Variants in LHCGR observed in about 807,000 individuals in gnomAD.
LHCGR encodes the protein lutropin-choriogonadotropic hormone receptor.
A neutral mutation model predicts 60.7 loss-of-function variants in LHCGR; 55 were observed. That is an observed-to-expected ratio of 0.91 (90% CI 0.73 to 1.13). LHCGR has a LOEUF of 1.13. Ranked by LOEUF, LHCGR falls within the 50% of genes most tolerant of loss-of-function variation. The pLI is 0.00. For synonymous variants in LHCGR, 337 were observed against 316.5 expected (o/e 1.06, Z -0.69); for missense variants, 862 against 836.0 (o/e 1.03, Z -0.38).
intron 10 of LHCGR, among the ~76,000 whole-genome samples, chr2:48,689,585 G>T (rs1179896107): frequency 6.6e-6 from 1 of 152,202 alleles, no homozygotes; most frequent in Non-Finnish European, 1.5e-5. Context: ...TGAAAACATT[G>T]CTCTTTAGGG....
intron 8 of LHCGR, among the ~76,000 whole-genome samples, chr2:48,704,115 C>T (rs902218772): frequency 5.9e-5 from 9 of 152,080 alleles, no homozygotes; most frequent in African/African-American, 9.7e-5. Context: ...TGAATTTTGT[C>T]GAAGGCCTTT....
chr2:48,712,467 C>A (rs1371628367), intron 7 of LHCGR, among the ~76,000 whole-genome samples: 1 of 152,028 alleles, frequency 6.6e-6, no homozygotes, highest in African/African-American at 2.4e-5. Flanking sequence ...TGTCAGAAAT[C>A]GATTTAATTG....
intron 8 of LHCGR, among the ~76,000 whole-genome samples, chr2:48,704,276 C>T (rs1196278855): frequency 6.6e-6 from 1 of 152,186 alleles, no homozygotes; most frequent in African/African-American, 2.4e-5. Flanking sequence ...TCATGTGCTG[C>T]TGGATTTGGT....
At chr2:48,723,578 G>A (rs1054720994) in intron 5 of LHCGR, 44 bp downstream of exon 5, 1 of 1,603,544 alleles carries the variant, frequency 6.2e-7, no homozygotes, top group Non-Finnish European at 8.5e-7. Flanking sequence ...AATTTTAGCT[G>A]CAAATAGGAA....
At chr2:48,694,402 C>T in intron 9 of LHCGR, 98 bp from the exon 10 acceptor site, 4 of 741,686 alleles carry the variant, frequency 5.4e-6, no homozygotes, top group Non-Finnish European at 9.6e-6. Flanking sequence ...AAATTCTTTA[C>T]CTATTACACC....
intron 1 of LHCGR, among the ~76,000 whole-genome samples, chr2:48,746,848 A>C (rs1669729393): frequency 6.6e-6 from 1 of 152,192 alleles, no homozygotes; most frequent in Non-Finnish European, 1.5e-5. Flanking sequence ...TGGTAAATAA[A>C]ACTACATGTT....
chr2:48,688,493 G>A lies in LHCGR; in HGVS notation c.1304C>T (p.Thr435Ile). Reference protein sequence around the residue: ...QYYNHAIDWQTGSGCSTAGFF... With the variant: ...QYYNHAIDWQIGSGCSTAGFF... ...GCCAGCAGTGCTGCACCCACTCCCTGTCTGCCAGTCTATGGCATGGTTATA... is the reference window on the plus strand; with the variant it reads ...GCCAGCAGTGCTGCACCCACTCCCTATCTGCCAGTCTATGGCATGGTTATA... The change falls in exon 11 of 11, where the codon ACA (threonine) becomes ATA (isoleucine). Residue 435 changes from threonine to isoleucine, a missense_variant. Coordinates refer to ENST00000294954, the MANE Select transcript of LHCGR (RefSeq NM_000233.4). This position sits in a 1 kb window ranked among gnomAD's most constrained non-coding sequence, Gnocchi z 5.2. 6.2e-7 allele frequency: 1 copy of A among 1,614,146 alleles called. No homozygotes were observed. The highest frequency in any genetic ancestry group is 8.5e-7 in the Non-Finnish European group (1 of 1,180,026).
chr2:48,699,480 A>C (rs548003140), intron 8 of LHCGR, among the ~76,000 whole-genome samples: 4 of 152,230 alleles, frequency 2.6e-5, no homozygotes, highest in East Asian at 1.9e-4. Context: ...GACAGCCAGC[A>C]CATGCAGTTA....
chr2:48,710,702 C>T (rs988832973), intron 7 of LHCGR, among the ~76,000 whole-genome samples: 1 of 152,208 alleles, frequency 6.6e-6, no homozygotes, highest in Non-Finnish European at 1.5e-5. Context: ...CTCCTAGACC[C>T]CTCAGGTGCC....
chr2:48,723,641 A>G lies in LHCGR; in HGVS notation c.439T>C (p.Ser147Pro). ...KFPDVTKVFS[S>P]ESNFILEICD... ...ACTTACAGAATGAAATTTGATTCAG[A>G]GGAGAAGACCTTCGTAACATCTGGA... Residue 147 changes from serine (S) to proline (P), a missense_variant, in exon 5 of 11, where the codon TCT (serine) becomes CCT (proline). Coordinates refer to ENST00000294954, the MANE Select transcript of LHCGR (RefSeq NM_000233.4). The G allele has an allele frequency of 6.2e-7, 1 of 1,613,852 alleles. No individual in the cohort carries two copies. The highest frequency in any genetic ancestry group is 8.5e-7 in the Non-Finnish European group (1 of 1,179,716).
chr2:48,692,140 A>G (rs971562441), intron 10 of LHCGR, among the ~76,000 whole-genome samples: 1 of 152,180 alleles, frequency 6.6e-6, no homozygotes, highest in African/African-American at 2.4e-5. Flanking sequence ...AAATCTATAG[A>G]GACACCGCCC....
In LHCGR at chr2:48,688,370, T is replaced by C; in HGVS notation, c.1427A>G (p.Gln476Arg). The C allele has an allele frequency of 6.2e-7, 1 of 1,614,188 alleles. No individual in the cohort carries two copies. Among genetic ancestry groups the C allele is most frequent in the Non-Finnish European group, 8.5e-7 (1 of 1,180,026 alleles). ...AATGGCATGTCTTAATCGCAGCTTT[T>C]GGTCCAGGTGAATAGCATAGGTGAT... The part of the protein sequence containing the change: ...HTITYAIHLD[Q>R]KLRLRHAILI... Residue 476 changes from glutamine (Q) to arginine (R), a missense_variant, in exon 11 of 11, where the codon CAA becomes CGA. Physicochemically the swap from Gln to Arg is conservative, Grantham distance 43. Transcript: ENST00000294954. The surrounding 1 kb of genome is among the most constrained non-coding windows in gnomAD (Gnocchi z 5.2).
At chr2:48,695,050 T>C (rs1050983776) in intron 9 of LHCGR, among the ~76,000 whole-genome samples, 4 of 152,188 alleles carry the variant, frequency 2.6e-5, no homozygotes, top group African/African-American at 9.7e-5. Flanking sequence ...ATGATGAGCA[T>C]TTTTTCTTTA....
rs1190261034 is a variant in LHCGR at position 48,731,260 on chromosome 2, T to A, written c.200A>T (p.Gln67Leu). ...AYLPVKVIPSQAFRGLNEVIK... is the reference protein window; with the variant it reads ...AYLPVKVIPSLAFRGLNEVIK... ...GACCTCATTAAGTCCTCTGAAAGCT[T>A]GAGATGGGATCACTTTGACAGGGAG... is the stretch of plus-strand genomic sequence containing the variant. Residue 67 changes from glutamine to leucine, a missense_variant, in exon 2 of 11, where the codon CAA becomes CTA. Transcript: ENST00000294954. 2 of 1,611,214 alleles carry A rather than the reference T, an allele frequency of 1.2e-6. No individual in the cohort carries two copies. The highest frequency in any genetic ancestry group is 2.7e-5 in the African/African-American group (2 of 74,846).
At chr2:48,716,607 G>A (rs369862281) in intron 6 of LHCGR, among the ~76,000 whole-genome samples, 7 of 152,144 alleles carry the variant, frequency 4.6e-5, no homozygotes, top group Non-Finnish European at 8.8e-5. Context: ...TGAGAACATA[G>A]GTACAGGGTT....
intron 9 of LHCGR, among the ~76,000 whole-genome samples, chr2:48,697,831 A>G (rs1334392043): frequency 6.6e-6 from 1 of 152,214 alleles, no homozygotes; most frequent in Non-Finnish European, 1.5e-5. Flanking sequence ...TAAAAATAAA[A>G]AAAGCATAAA....
In LHCGR at chr2:48,688,997, A is replaced by G; in HGVS notation, c.948-148T>C. On this transcript the variant is annotated intron_variant, in intron 10 of 10. Coordinates refer to ENST00000294954, the MANE Select transcript of LHCGR (RefSeq NM_000233.4). This position sits in a 1 kb window ranked among gnomAD's most constrained non-coding sequence, Gnocchi z 5.2. The stretch of plus-strand genomic sequence containing the variant: ...CATTTATTTGTTAAATTATTTGAGA[A>G]CTCTGATTTGATGTAGGAGTACCTT... 1.3e-6 allele frequency: 1 copy of G among 762,766 alleles called. No homozygotes were observed. The allele number at this position is 762,766 out of a possible 1,614,324, so 47.2% of individuals were successfully genotyped here.
chr2:48,753,314 T>G (rs1008784112), intron 1 of LHCGR, among the ~76,000 whole-genome samples: 1 of 152,232 alleles, frequency 6.6e-6, no homozygotes, highest in African/African-American at 2.4e-5. Flanking sequence ...TCTTGTCATA[T>G]GGATGTTGGT....
chr2:48,722,759 T>C (rs1489901271), intron 6 of LHCGR, among the ~76,000 whole-genome samples: 2 of 152,176 alleles, frequency 1.3e-5, no homozygotes, highest in Non-Finnish European at 2.9e-5. Flanking sequence ...CTTTTCTTTA[T>C]AAATTACCCA....
Sources: gnomAD v4.1 joint callset for allele counts (sites outside exome capture counted in the v4.1 genomes callset) on GRCh38, gnomAD v4.1.1 for gene constraint, Gnocchi (gnomAD v3.1) non-coding constraint, MANE v1.5 for transcripts, NCBI Gene and HGNC (gene_info 2026-07-23, HGNC 2026-07-21) for gene names.